The following DIP2C variants were observed in gnomAD, a reference collection of about 807,000 sequenced individuals.
DIP2C encodes the protein disco-interacting protein 2 homolog C.
A neutral mutation model predicts 192.4 loss-of-function variants in DIP2C; 33 were observed. The ratio of observed to expected loss-of-function variants is 0.17; its 90% confidence interval spans 0.13 to 0.23. The LOEUF (loss-of-function observed/expected upper bound fraction) is 0.23. Ranked by LOEUF, DIP2C falls within the 10% of genes least tolerant of loss-of-function variation. The pLI is 1.00. For synonymous variants in DIP2C, 979 were observed against 864.1 expected (o/e 1.13, Z -2.33); for missense variants, 1,537 against 2,110.1 (o/e 0.73, Z 5.32).
At chr10:288,859 C>T (rs3131999) in intron 32 of DIP2C, among the ~76,000 whole-genome samples, 117,080 of 152,196 alleles carry the variant, frequency 0.77, 45,990 homozygotes, top group Non-Finnish European at 0.84. Context: ...CAAGACAGCG[C>T]GTGCATCGCA....
At chr10:496,681 A>G (rs1364919454) in intron 1 of DIP2C, among the ~76,000 whole-genome samples, 1 of 151,598 alleles carries the variant, frequency 6.6e-6, no homozygotes, top group Non-Finnish European at 1.5e-5. Context: ...TAAAATCTCT[A>G]CATTACTCGC....
chr10:366,676 C>T (rs920782307), intron 18 of DIP2C, among the ~76,000 whole-genome samples: 14 of 151,040 alleles, frequency 9.3e-5, no homozygotes, highest in African/African-American at 2.7e-4. Flanking sequence ...TATTTAGGGG[C>T]GTGACATCAT....
rs866663594 is a variant in DIP2C at position 584,959 on chromosome 10, G to A, written c.86-98429C>T. On this transcript the variant is annotated intron_variant, in intron 1 of 36. Coordinates refer to ENST00000280886, the MANE Select transcript of DIP2C (RefSeq NM_014974.3). ...GCATCACCTCTCAATCTCGGGGCCC[G>A]CGACCTGACCCCCACTCACGCGCAT... Among the ~76,000 whole-genome samples, 248 of 112,354 alleles carry A rather than the reference G, an allele frequency of 2.2e-3. 3 individuals carry two copies. The highest frequency in any genetic ancestry group is 8.9e-3 in the African/African-American group (228 of 25,598). The allele number at this position is 112,354 out of a possible 152,430, so 73.7% of individuals were successfully genotyped here.
At chr10:635,663 G>A (rs763571643) in intron 1 of DIP2C, among the ~76,000 whole-genome samples, 4 of 152,232 alleles carry the variant, frequency 2.6e-5, no homozygotes, top group Admixed American at 1.3e-4. Context: ...CCAGCTGCGG[G>A]CACTGCCCCA....
At chr10:626,444 C>CCCCCCGTCCCCGGGGTTACCCTCCGT (rs747436468) in intron 1 of DIP2C, among the ~76,000 whole-genome samples, 9,059 of 148,390 alleles carry the variant, frequency 0.061, 727 homozygotes, top group African/African-American at 0.18. Flanking sequence ...TACCCTCCGT[C>CCCCCCGTCCCCGGGGTTACCCTCCGT]CCCCCGTCCC....
chr10:573,175 CTA>C (rs1010109045), intron 1 of DIP2C, among the ~76,000 whole-genome samples: 3 of 152,086 alleles, frequency 2.0e-5, no homozygotes, highest in Non-Finnish European at 4.4e-5. Context: ...AGGCAAAGTT[CTA>C]TAACTCACAT....
chr10:507,066 G>A (rs990263205), intron 1 of DIP2C, among the ~76,000 whole-genome samples: 5 of 151,962 alleles, frequency 3.3e-5, no homozygotes, highest in African/African-American at 1.2e-4. Flanking sequence ...GATAAGAGGT[G>A]TGAGGTCACA....
At chr10:464,817 C>CT (rs1293207837) in intron 3 of DIP2C, among the ~76,000 whole-genome samples, 1 of 152,134 alleles carries the variant, frequency 6.6e-6, no homozygotes, top group Non-Finnish European at 1.5e-5. Flanking sequence ...GACACATACT[C>CT]TCTCCCAAGA....
intron 3 of DIP2C, among the ~76,000 whole-genome samples, chr10:470,721 A>G (rs1245105283): frequency 6.6e-6 from 1 of 151,988 alleles, no homozygotes; most frequent in Non-Finnish European, 1.5e-5. Context: ...ACTGACGCGG[A>G]TCTCCTGTGT....
At chr10:340,458 C>T (rs1268623800) in intron 29 of DIP2C, among the ~76,000 whole-genome samples, 1 of 152,232 alleles carries the variant, frequency 6.6e-6, no homozygotes, top group East Asian at 1.9e-4. Context: ...ATGCTCTATG[C>T]TTACTTGCTT....
intron 32 of DIP2C, among the ~76,000 whole-genome samples, chr10:292,251 T>C (rs1295117405): frequency 1.3e-5 from 2 of 152,240 alleles, no homozygotes; most frequent in African/African-American, 4.8e-5. Context: ...GCTGACACCC[T>C]TCCCTAGGTG....
At chr10:626,455 C>T (rs753960731) in intron 1 of DIP2C, among the ~76,000 whole-genome samples, 12 of 151,078 alleles carry the variant, frequency 7.9e-5, no homozygotes, top group East Asian at 3.9e-4. Flanking sequence ...CCCCCGTCCC[C>T]GGAGTTACCC....
chr10:592,051 A>G (rs1429669688), intron 1 of DIP2C, among the ~76,000 whole-genome samples: 1 of 152,260 alleles, frequency 6.6e-6, no homozygotes, highest in Non-Finnish European at 1.5e-5. Context: ...TGAGGGAGAC[A>G]CATTCATAGC....
At chr10:662,929 G>C in intron 1 of DIP2C, 1 of 717,498 alleles carries the variant, frequency 1.4e-6, no homozygotes, top group Non-Finnish European at 2.6e-6. Flanking sequence ...GTGGATGTAC[G>C]CTAATGGTTC....
At chr10:334,929 T>G (rs1163333954) in intron 29 of DIP2C, among the ~76,000 whole-genome samples, 1 of 152,166 alleles carries the variant, frequency 6.6e-6, no homozygotes, top group African/African-American at 2.4e-5. Context: ...TCCTTTATAT[T>G]TACTTCAGGA....
At chr10:373,326 G>A (rs181648611) in intron 17 of DIP2C, among the ~76,000 whole-genome samples, 141 of 152,264 alleles carry the variant, frequency 9.3e-4, no homozygotes, top group African/African-American at 3.2e-3. Context: ...CCAATCCTAT[G>A]CCCCACAAAT....
intron 1 of DIP2C, among the ~76,000 whole-genome samples, chr10:603,518 A>G (rs1192435115): frequency 6.6e-6 from 1 of 152,102 alleles, no homozygotes; most frequent in Non-Finnish European, 1.5e-5. Flanking sequence ...TATCAGGTAT[A>G]CCTGGAACAA....
chr10:532,486 C>G (rs1460681788), intron 1 of DIP2C, among the ~76,000 whole-genome samples: 1 of 152,046 alleles, frequency 6.6e-6, no homozygotes, highest in African/African-American at 2.4e-5. Context: ...CTGAGAAGAC[C>G]TCGTTTCTGT....
intron 1 of DIP2C, among the ~76,000 whole-genome samples, chr10:537,013 G>A (rs1847732084): frequency 6.6e-6 from 1 of 152,204 alleles, no homozygotes; most frequent in Non-Finnish European, 1.5e-5. Context: ...TCATGAGGCT[G>A]GCTGTGTCCT....
Sources: gnomAD v4.1 joint callset for allele counts (sites outside exome capture counted in the v4.1 genomes callset) on GRCh38, gnomAD v4.1.1 for gene constraint, MANE v1.5 for transcripts, NCBI Gene and HGNC (gene_info 2026-07-23, HGNC 2026-07-21) for gene names.